Variants in LOC128125817 observed in about 807,000 individuals in gnomAD.
At chr1:41,597,182 C>T in the LOC128125817 span, among the ~76,000 whole-genome samples, 259 of 152,226 alleles carry the variant, frequency 1.7e-3, no homozygotes, top group African/African-American at 5.2e-3. Context: ...CAATCCTAGA[C>T]GAGTTAGACC....
At chr1:41,626,936 A>G in the LOC128125817 span, among the ~76,000 whole-genome samples, 582 of 152,306 alleles carry the variant, frequency 3.8e-3, 4 homozygotes, top group South Asian at 0.036. Context: ...GCTGTCTTTA[A>G]ACTACTGAAC....
At chr1:41,589,073 C>T in the LOC128125817 span, among the ~76,000 whole-genome samples, 11 of 152,206 alleles carry the variant, frequency 7.2e-5, no homozygotes, top group African/African-American at 2.7e-4. Context: ...TTTCTACCTT[C>T]TGTGGTTCTG....
the LOC128125817 span, among the ~76,000 whole-genome samples, chr1:41,601,858 G>A: frequency 6.6e-6 from 1 of 152,120 alleles, no homozygotes; most frequent in African/African-American, 2.4e-5. Flanking sequence ...TCACCACTGA[G>A]TATAGTATTA....
the LOC128125817 span, among the ~76,000 whole-genome samples, chr1:41,604,030 G>A: frequency 6.6e-6 from 1 of 152,192 alleles, no homozygotes; most frequent in African/African-American, 2.4e-5. Flanking sequence ...ACAAAATGAC[G>A]CCAAGTGTTG....
At chr1:41,587,537 C>A in the LOC128125817 span, among the ~76,000 whole-genome samples, 8 of 152,168 alleles carry the variant, frequency 5.3e-5, no homozygotes, top group East Asian at 1.5e-3. Flanking sequence ...AAATGGTTAC[C>A]CTTACAATTA....
chr1:41,596,803 T>A, the LOC128125817 span, among the ~76,000 whole-genome samples: 1 of 152,164 alleles, frequency 6.6e-6, no homozygotes, highest in South Asian at 2.1e-4. Flanking sequence ...AGGGCCCTGA[T>A]CTTGGTCAGA....
chr1:41,591,480 T>G, the LOC128125817 span, among the ~76,000 whole-genome samples: 1 of 152,044 alleles, frequency 6.6e-6, no homozygotes, highest in East Asian at 1.9e-4. Context: ...GATCTGACTT[T>G]ATGGGATACT....
the LOC128125817 span, among the ~76,000 whole-genome samples, chr1:41,606,762 T>C: frequency 6.6e-6 from 1 of 151,886 alleles, no homozygotes; most frequent in Non-Finnish European, 1.5e-5. Flanking sequence ...AGGATGACTC[T>C]TAGTTTATCC....
At chr1:41,587,869 C>G in the LOC128125817 span, among the ~76,000 whole-genome samples, 1 of 152,192 alleles carries the variant, frequency 6.6e-6, no homozygotes, top group Non-Finnish European at 1.5e-5. Flanking sequence ...GCACTGCAGT[C>G]TATGGCCCCT....
chr1:41,598,730 T>C, the LOC128125817 span, among the ~76,000 whole-genome samples: 1 of 152,134 alleles, frequency 6.6e-6, no homozygotes, highest in Non-Finnish European at 1.5e-5. Flanking sequence ...ATAGTATCGA[T>C]ACAAAGAGAC....
the LOC128125817 span, among the ~76,000 whole-genome samples, chr1:41,601,575 CT>C: frequency 1.3e-5 from 2 of 152,102 alleles, no homozygotes; most frequent in Non-Finnish European, 2.9e-5. Flanking sequence ...AGAAATGCCA[CT>C]GATTTTTGTA....
At chr1:41,617,856 G>A in the LOC128125817 span, among the ~76,000 whole-genome samples, 1 of 149,550 alleles carries the variant, frequency 6.7e-6, no homozygotes, top group African/African-American at 2.5e-5. Flanking sequence ...CAATGGCTTT[G>A]GAACTGGACA....
the LOC128125817 span, among the ~76,000 whole-genome samples, chr1:41,620,390 G>A: frequency 2.6e-5 from 4 of 152,148 alleles, no homozygotes; most frequent in Non-Finnish European, 4.4e-5. Context: ...CAAACTAAGT[G>A]GCCTAGGTGA....
chr1:41,615,678 G>A, the LOC128125817 span, among the ~76,000 whole-genome samples: 3 of 152,244 alleles, frequency 2.0e-5, no homozygotes, highest in South Asian at 2.1e-4. Flanking sequence ...GGGCAAGCCC[G>A]GTGGGGGCAG....
At chr1:41,593,826 C>T in the LOC128125817 span, among the ~76,000 whole-genome samples, 4 of 152,188 alleles carry the variant, frequency 2.6e-5, no homozygotes, top group Non-Finnish European at 4.4e-5. Context: ...AGGTCTCACT[C>T]GGCTAAAAGC....
the LOC128125817 span, among the ~76,000 whole-genome samples, chr1:41,610,158 T>C: frequency 4.6e-5 from 7 of 152,154 alleles, no homozygotes; most frequent in Non-Finnish European, 8.8e-5. Flanking sequence ...TTAAAATCTC[T>C]CTCTCTGTAT....
the LOC128125817 span, among the ~76,000 whole-genome samples, chr1:41,605,857 T>C: frequency 6.6e-6 from 1 of 152,160 alleles, no homozygotes; most frequent in Non-Finnish European, 1.5e-5. Context: ...AAATCAGCTT[T>C]CAGATTTGTT....
chr1:41,605,367 G>GCACACA, the LOC128125817 span, among the ~76,000 whole-genome samples: 283 of 111,774 alleles, frequency 2.5e-3, no homozygotes, highest in Non-Finnish European at 3.4e-3. Flanking sequence ...ATACACACAC[G>GCACACA]CACACGCGCA....
the LOC128125817 span, among the ~76,000 whole-genome samples, chr1:41,588,839 G>T: frequency 3.3e-5 from 5 of 152,162 alleles, no homozygotes; most frequent in East Asian, 9.7e-4. Flanking sequence ...TGGACTTCTG[G>T]ACTAGTGCTC....
Sources: gnomAD v4.1 joint callset for allele counts (sites outside exome capture counted in the v4.1 genomes callset) on GRCh38, gnomAD v4.1.1 for gene constraint, MANE v1.5 for transcripts.